Variants in APC2 observed in about 807,000 individuals in gnomAD.
APC2 encodes the protein APC regulator of Wnt signaling pathway 2.
APC2 carries 41 observed loss-of-function variants against 72.5 expected under a neutral mutation model. The ratio of observed to expected loss-of-function variants is 0.57; its 90% confidence interval spans 0.44 to 0.73. The LOEUF is 0.73. Among genes scored for constraint, APC2 ranks in the 30% least tolerant of loss-of-function variants. The pLI, the probability that APC2 is intolerant of heterozygous loss-of-function variation, is 0.00. For missense variants in APC2, 3,729 were observed against 3,403.4 expected, an observed-to-expected ratio of 1.10 and a Z score of -2.38; for synonymous variants, 1,898 against 1,612.0, an observed-to-expected ratio of 1.18 and a Z score of -4.25.
chr19:1,456,504 T>G, intron 8 of APC2, 100 bp downstream of exon 8: 1 of 1,239,808 alleles, frequency 8.1e-7, no homozygotes, highest in Non-Finnish European at 1.1e-6. Flanking sequence ...CATGCCTCCA[T>G]CCAGCACCCC....
upstream of APC2, among the ~76,000 whole-genome samples, chr19:1,448,660 G>A (rs1404834368): frequency 6.6e-6 from 1 of 151,566 alleles, no homozygotes; most frequent in African/African-American, 2.4e-5. Flanking sequence ...CCTGGCTAAC[G>A]TGAAATCCCG....
rs770760502 is a variant in APC2, at chr19:1,468,267, C to A, written c.4966C>A (p.Arg1656=). 1.5e-5 allele frequency: 23 copies of A among 1,529,128 alleles called. No homozygotes were observed. The highest frequency in any genetic ancestry group is 1.9e-5 in the Non-Finnish European group (22 of 1,140,312). 94.7% of individuals were successfully genotyped at this position (1,529,128 alleles called of 1,614,324 possible). Residue 1656 remains arginine, a synonymous_variant, in exon 15 of 15, where the codon CGG becomes AGG. Coordinates refer to ENST00000590469, the MANE Select transcript of APC2 (RefSeq NM_005883.3). ...GCGGCGCCGCAAGCCCCGAGCCACC[C>A]GGCTGGATGAGCGGCCCGCAGAGGG... ...GLRRRKPRAT[R]LDERPAEGSR... is the part of the protein sequence containing the mutation.
At position 1,461,868 on chromosome 19, in the gene APC2, A is replaced by T. The variant is rs762773616; in HGVS notation, c.1639-95A>T. The T allele has an allele frequency of 1.6e-5, 18 of 1,161,016 alleles. No homozygotes were observed. The South Asian group carries it at 2.8e-4, about 18-fold the overall frequency. The allele number at this position is 1,161,016 out of a possible 1,614,324, so 71.9% of individuals were successfully genotyped here. Reference sequence around the variant, plus strand: ...TTCCGTCTCAAAAAAAAAAAACAAAAAACAAAAAAACCCAACTTCACTGAA... The same window carrying T: ...TTCCGTCTCAAAAAAAAAAAACAAATAACAAAAAAACCCAACTTCACTGAA... On this transcript the variant is annotated intron_variant, in intron 13 of 14. Transcript: ENST00000590469.
chr19:1,460,914 CT>C (rs1278906280), intron 12 of APC2, 57 bp downstream of exon 12: 2 of 1,601,698 alleles, frequency 1.2e-6, no homozygotes, highest in African/African-American at 2.7e-5. Flanking sequence ...GCAGAGGCCC[CT>C]CCCCAGCGGT....
rs1055521744 is a variant in APC2, at chr19:1,469,691, C to A, written c.6390C>A (p.Asp2130Glu). 2 of 1,333,164 alleles carry A rather than the reference C, an allele frequency of 1.5e-6. No individual in the cohort carries two copies. The highest frequency in any genetic ancestry group is 1.9e-6 in the Non-Finnish European group (2 of 1,048,508). The allele number at this position is 1,333,164 out of a possible 1,614,324, so 82.6% of individuals were successfully genotyped here. The change falls in exon 15 of 15, where the codon GAC (aspartate) becomes GAA (glutamate). Residue 2130 changes from aspartate to glutamate, a missense_variant. Physicochemically the swap from Asp to Glu is conservative, Grantham distance 45. Transcript: ENST00000590469. ...CCGACGCCGCGCGCCGCAGCAGCGA[C>A]GGGGAGCCCCGGCCGCTCCCCAGGG... is the stretch of plus-strand genomic sequence containing the variant. ...ASADAARRSS[D>E]GEPRPLPRVA...
At position 1,466,944 on chromosome 19, in the gene APC2, C is replaced by T. The variant is rs775033006; in HGVS notation, c.3643C>T (p.Pro1215Ser). 6.2e-7 allele frequency: 1 copy of T among 1,600,800 alleles called. No individual in the cohort carries two copies. The highest frequency in any genetic ancestry group is 1.7e-5 in the Admixed American group (1 of 58,558). ...TMPPSRSKTP[P>S]LAPAPQGPPE... ...GCCTCCCAGCCGGAGCAAGACGCCA[C>T]CGCTGGCGCCCGCGCCACAGGGTCC... The change falls in exon 15 of 15, where the codon CCG becomes TCG. Residue 1215 changes from proline (P) to serine (S), a missense_variant. Transcript: ENST00000590469.
chr19:1,465,235 C>G lies in APC2; in HGVS notation c.1934C>G (p.Ala645Gly). The G allele has an allele frequency of 1.9e-6, 3 of 1,610,446 alleles. No homozygotes were observed. Among genetic ancestry groups the G allele is most frequent in the East Asian group, 2.2e-5 (1 of 44,830 alleles). Residue 645 changes from alanine (A) to glycine (G), a missense_variant, in exon 15 of 15, where the codon GCG (alanine) becomes GGG (glycine). Coordinates refer to ENST00000590469, the MANE Select transcript of APC2 (RefSeq NM_005883.3). The stretch of plus-strand genomic sequence containing the variant: ...CACAGCCTGACCATCGTGAGCAACG[C>G]GTGCGGCACGCTCTGGAACCTGTCG... ...TSHSLTIVSN[A>G]CGTLWNLSAR... is the part of the protein sequence containing the mutation.
chr19:1,457,702 GTT>G, intron 9 of APC2: 1 of 558,926 alleles, frequency 1.8e-6, no homozygotes, highest in Non-Finnish European at 3.2e-6. Flanking sequence ...TGTCTCGTCA[GTT>G]TTATTTTTAA....
rs895488951 is a variant in APC2 at position 1,469,706 on chromosome 19, G to C, written c.6405G>C (p.Pro2135=). Residue 2135 remains proline, a synonymous_variant, in exon 15 of 15, where the codon CCG becomes CCC. Coordinates refer to ENST00000590469, the MANE Select transcript of APC2 (RefSeq NM_005883.3). ...GCAGCAGCGACGGGGAGCCCCGGCC[G>C]CTCCCCAGGGTGGCCGCGCCGGGCA... ...ARRSSDGEPR[P]LPRVAAPGTT... The C allele has an allele frequency of 1.4e-6, 2 of 1,383,558 alleles. No homozygotes were observed. The highest frequency in any genetic ancestry group is 1.6e-5 in the South Asian group (1 of 62,360). 85.7% of individuals were successfully genotyped at this position (1,383,558 alleles called of 1,614,324 possible).
Position 1,466,482 on chromosome 19 carries a change from C to A in APC2, c.3181C>A (p.Gln1061Lys). 1 of 1,597,880 alleles carries A rather than the reference C, an allele frequency of 6.3e-7. No homozygotes were observed. The highest frequency in any genetic ancestry group is 8.5e-7 in the Non-Finnish European group (1 of 1,179,454). ...ASKALQKLAA[Q>K]EGPLSLSRCS... Reference sequence around the variant, plus strand: ...CAAGGCACTGCAGAAACTGGCGGCGCAAGAGGGGCCACTCTCGCTGTCCCG... The same window carrying A: ...CAAGGCACTGCAGAAACTGGCGGCGAAAGAGGGGCCACTCTCGCTGTCCCG... Residue 1061 changes from glutamine (Q) to lysine (K), a missense_variant, in exon 15 of 15, where the codon CAA (glutamine) becomes AAA (lysine). By Grantham distance (53) the Gln-to-Lys change is moderately conservative. Coordinates refer to ENST00000590469, the MANE Select transcript of APC2 (RefSeq NM_005883.3).
Position 1,468,963 on chromosome 19 carries a change from A to C in APC2, c.5662A>C (p.Arg1888=). ...QTSPASQPLP[R]KRPPVTQAAG... is the part of the protein sequence containing the mutation. The stretch of plus-strand genomic sequence containing the variant: ...CTCGCCCGCCTCCCAGCCCCTGCCC[A>C]GAAAGCGCCCCCCGGTCACCCAGGC... The change falls in exon 15 of 15, where the codon AGA becomes CGA. Residue 1888 remains arginine, a synonymous_variant. Coordinates refer to ENST00000590469, the MANE Select transcript of APC2 (RefSeq NM_005883.3). The C allele has an allele frequency of 1.3e-6, 2 of 1,553,104 alleles. No homozygotes were observed. The highest frequency in any genetic ancestry group is 1.7e-6 in the Non-Finnish European group (2 of 1,155,658).
At position 1,457,115 on chromosome 19, in the gene APC2, A is replaced by G. The variant is rs1272870811; in HGVS notation, c.1079A>G (p.Asp360Gly). 1.3e-6 allele frequency: 2 copies of G among 1,587,402 alleles called. No homozygotes were observed. The highest frequency in any genetic ancestry group is 2.3e-5 in the East Asian group (1 of 43,334). The change falls in exon 9 of 15, where the codon GAC (aspartate) becomes GGC (glycine). Residue 360 changes from aspartate (D) to glycine (G), a missense_variant. Physicochemically the swap from Asp to Gly is moderately conservative, Grantham distance 94 (BLOSUM62 -1). Coordinates refer to ENST00000590469, the MANE Select transcript of APC2 (RefSeq NM_005883.3). The part of the protein sequence containing the change: ...ALHNIVFSQP[D>G]QGLARKEMRV... ...CACAACATCGTCTTCTCGCAGCCGG[A>G]CCAGGGCCTGGCGCGCAAGGAGATG...
chr19:1,469,800 C>T lies in APC2; in HGVS notation c.6499C>T (p.Leu2167=). Residue 2167 remains leucine (L), a synonymous_variant, in exon 15 of 15, where the codon CTG becomes TTG. Transcript: ENST00000590469. ...GCGCAGCACGCTTCCCGCCACGGCC[C>T]TGCCACTGCGGGGCTCCACGCCCGA... ...ILRSTLPATA[L]PLRGSTPEDA... is the part of the protein sequence containing the mutation. 6.6e-7 allele frequency: 1 copy of T among 1,521,988 alleles called. No individual in the cohort carries two copies. The highest frequency in any genetic ancestry group is 8.8e-7 in the Non-Finnish European group (1 of 1,142,210). The allele number at this position is 1,521,988 out of a possible 1,614,324, so 94.3% of individuals were successfully genotyped here.
intron 9 of APC2, 58 bp downstream of exon 9, chr19:1,457,301 CG>C: frequency 1.4e-6 from 2 of 1,464,546 alleles, no homozygotes; most frequent in Non-Finnish European, 1.8e-6. Context: ...TAGGGCTTCC[CG>C]GGGGATGGGC....
In APC2 at chr19:1,466,162, G is replaced by A. The variant is rs780649157; in HGVS notation, c.2861G>A (p.Arg954His). The change falls in exon 15 of 15, where the codon CGC becomes CAC. Residue 954 changes from arginine (R) to histidine (H), a missense_variant. By Grantham distance (29) the Arg-to-His change is conservative. Coordinates refer to ENST00000590469, the MANE Select transcript of APC2 (RefSeq NM_005883.3). ...PCPLAALASR[R>H]EDPRCGQPRP... ...CCGCTGGCCGCACTGGCTTCGCGCC[G>A]CGAGGACCCCAGGTGTGGGCAGCCT... 1.9e-6 allele frequency: 3 copies of A among 1,564,952 alleles called. No individual in the cohort carries two copies. Among genetic ancestry groups the A allele is most frequent in the Admixed American group, 1.8e-5 (1 of 54,304 alleles).
chr19:1,468,888 A>G lies in APC2; in HGVS notation c.5587A>G (p.Thr1863Ala). ...GCTGAGCCAGCCCCCCAGAAGCGCC[A>G]CACCGCCCGCCCGCCTCGCCAAGAC... ...ATLSQPPRSA[T>A]PPARLAKTPS... The change falls in exon 15 of 15, where the codon ACA becomes GCA. Residue 1863 changes from threonine to alanine, a missense_variant. Physicochemically the swap from Thr to Ala is moderately conservative, Grantham distance 58. Coordinates refer to ENST00000590469, the MANE Select transcript of APC2 (RefSeq NM_005883.3). The G allele has an allele frequency of 6.5e-7, 1 of 1,527,094 alleles. No individual in the cohort carries two copies. The highest frequency in any genetic ancestry group is 1.2e-5 in the South Asian group (1 of 82,270). 94.6% of individuals were successfully genotyped at this position (1,527,094 alleles called of 1,614,324 possible). A position where few individuals can be genotyped will look rare whatever the true frequency, so the allele number is the denominator to read the frequency against.
chr19:1,470,168 C>A lies in APC2; in HGVS notation c.6867C>A (p.Ala2289=), dbSNP rs2084110788. 1.9e-6 allele frequency: 3 copies of A among 1,603,212 alleles called. No homozygotes were observed. In the African/African-American group the frequency reaches 4.0e-5, roughly 22 times the overall value. ...PMVVAATTDS[A]AEKAPATASA... Reference sequence around the variant, plus strand: ...TGGTCGCAGCCACCACCGACTCGGCCGCGGAGAAAGCCCCGGCCACTGCCT... The same window carrying A: ...TGGTCGCAGCCACCACCGACTCGGCAGCGGAGAAAGCCCCGGCCACTGCCT... The change falls in exon 15 of 15, where the codon GCC becomes GCA. Residue 2289 remains alanine (A), a synonymous_variant. Transcript: ENST00000590469.
intron 6 of APC2, among the ~76,000 whole-genome samples, chr19:1,455,765 A>C (rs533927661): frequency 6.6e-6 from 1 of 151,614 alleles, no homozygotes; most frequent in East Asian, 1.9e-4. Context: ...CCAGATCAGC[A>C]GGTGGGTGGG....
chr19:1,465,855 G>T lies in APC2; in HGVS notation c.2554G>T (p.Ala852Ser). 6.4e-7 allele frequency: 1 copy of T among 1,569,968 alleles called. No individual in the cohort carries two copies. The highest frequency in any genetic ancestry group is 8.6e-7 in the Non-Finnish European group (1 of 1,159,844). ...CAAGGCCAAGCTGGCGCTTGCAGTG[G>T]CGCGCATCGACCAGCTGGTGGAGGA... ...KAKAKLALAV[A>S]RIDQLVEDIS... Residue 852 changes from alanine to serine, a missense_variant, in exon 15 of 15, where the codon GCG becomes TCG. Coordinates refer to ENST00000590469, the MANE Select transcript of APC2 (RefSeq NM_005883.3).
Sources: gnomAD v4.1 joint callset for allele counts (sites outside exome capture counted in the v4.1 genomes callset) on GRCh38, gnomAD v4.1.1 for gene constraint, MANE v1.5 for transcripts, NCBI Gene and HGNC (gene_info 2026-07-23, HGNC 2026-07-21) for gene names.